The following ME1 variants were observed in gnomAD, a reference collection of about 807,000 sequenced individuals.
ME1 encodes malic enzyme 1.
Under a neutral mutation model 66.4 loss-of-function variants are expected in ME1, and 74 were observed. That is an observed-to-expected ratio of 1.11 (90% CI 0.92 to 1.35). The LOEUF (loss-of-function observed/expected upper bound fraction) is 1.35. ME1 is among the 40% of genes most tolerant of loss of function. ME1 has a pLI of 0.00. For synonymous variants in ME1, 251 were observed against 235.6 expected (o/e 1.07, Z -0.60); for missense variants, 750 against 694.1 (o/e 1.08, Z -0.90).
chr6:83,250,221 AGAAAATAACAGGATTGTTATTTTCCTT>A (rs551224101), intron 7 of ME1, among the ~76,000 whole-genome samples: 1 of 151,954 alleles, frequency 6.6e-6, no homozygotes, highest in Non-Finnish European at 1.5e-5. Context: ...GTTATTTCAA[AGAAAATAACAGGATTGTTATTTTCCTT>A]GAAAATAACA....
intron 12 of ME1, among the ~76,000 whole-genome samples, chr6:83,221,866 A>G (rs770141586): frequency 5.3e-5 from 8 of 152,248 alleles, no homozygotes; most frequent in Non-Finnish European, 7.3e-5. Flanking sequence ...TTTAGATGAT[A>G]TAAAAAACAG....
intron 6 of ME1, among the ~76,000 whole-genome samples, chr6:83,267,331 T>A (rs1199988439): frequency 6.6e-6 from 1 of 152,102 alleles, no homozygotes; most frequent in African/African-American, 2.4e-5. Context: ...CCTTGTGCAA[T>A]TCTAAATCAA....
At chr6:83,312,221 T>C (rs1767943328) in intron 6 of ME1, among the ~76,000 whole-genome samples, 2 of 152,190 alleles carry the variant, frequency 1.3e-5, no homozygotes. Flanking sequence ...CAGTTGACAC[T>C]GATACCTGGA....
chr6:83,382,606 A>C (rs1769427401), intron 3 of ME1, among the ~76,000 whole-genome samples: 1 of 152,118 alleles, frequency 6.6e-6, no homozygotes, highest in African/African-American at 2.4e-5. Flanking sequence ...GAAACTCTTC[A>C]CAAGTAAACA....
intron 9 of ME1, among the ~76,000 whole-genome samples, chr6:83,235,478 T>C (rs1413718257): frequency 6.7e-6 from 1 of 149,804 alleles, no homozygotes; most frequent in Non-Finnish European, 1.5e-5. Context: ...CTATTTTTTT[T>C]TTTTTTTTTT....
intron 3 of ME1, among the ~76,000 whole-genome samples, chr6:83,352,502 TG>T: frequency 6.6e-6 from 1 of 152,308 alleles, no homozygotes; most frequent in East Asian, 1.9e-4. Context: ...AAAAGCACTT[TG>T]AAAAGCAACA....
At chr6:83,387,789 T>C (rs776089260) in intron 3 of ME1, among the ~76,000 whole-genome samples, 4 of 152,180 alleles carry the variant, frequency 2.6e-5, no homozygotes. Flanking sequence ...TAGGAAGACA[T>C]AAAGCAACAT....
intron 6 of ME1, among the ~76,000 whole-genome samples, chr6:83,298,946 T>G (rs1304638417): frequency 1.2e-4 from 10 of 81,234 alleles, no homozygotes; most frequent in Admixed American, 3.0e-4. Context: ...TTTTTTTTTT[T>G]TTTTTTTTTT....
chr6:83,225,886 T>C (rs370963699), intron 11 of ME1, among the ~76,000 whole-genome samples: 4 of 150,446 alleles, frequency 2.7e-5, no homozygotes, highest in Non-Finnish European at 5.9e-5. Context: ...ATAATCACCA[T>C]ATTTTAAGGA....
intron 6 of ME1, among the ~76,000 whole-genome samples, chr6:83,257,576 A>T (rs1180188): frequency 0.24 from 35,928 of 152,068 alleles, 4,464 homozygotes; most frequent in Middle Eastern, 0.36. Flanking sequence ...GGGAACGTAA[A>T]CTTTTTCTAC....
chr6:83,430,841 G>A, intron 1 of ME1, 36 bp downstream of exon 1: 6 of 1,537,650 alleles, frequency 3.9e-6, no homozygotes, highest in Non-Finnish European at 5.3e-6. Flanking sequence ...TGATAGAGAG[G>A]GGCCGATGGG....
intron 5 of ME1, among the ~76,000 whole-genome samples, chr6:83,331,359 G>T (rs1224575374): frequency 6.6e-6 from 1 of 152,076 alleles, no homozygotes; most frequent in Non-Finnish European, 1.5e-5. Context: ...GGAGGCTGAG[G>T]CGGGTGGATC....
Position 83,398,625 on chromosome 6 carries a change from T to C in ME1, c.213-109A>G, listed in dbSNP as rs546323153. Reference sequence around the variant, plus strand: ...AAGTATAAAGTACATTTAGGTTACATAGAAAACATCTGATTAAAAAAGACT... The same window carrying C: ...AAGTATAAAGTACATTTAGGTTACACAGAAAACATCTGATTAAAAAAGACT... On this transcript the variant is annotated intron_variant, in intron 2 of 13. Transcript: ENST00000369705. 47 of 578,724 alleles carry C rather than the reference T, an allele frequency of 8.1e-5. No homozygotes were observed. The East Asian group carries it at 1.3e-3, about 16-fold the overall frequency. 35.8% of individuals were successfully genotyped at this position (578,724 alleles called of 1,614,324 possible).
intron 1 of ME1, among the ~76,000 whole-genome samples, chr6:83,427,317 TTAAG>T (rs1282529192): frequency 1.3e-5 from 2 of 152,206 alleles, no homozygotes; most frequent in African/African-American, 4.8e-5. Context: ...CCTAATTCTC[TTAAG>T]TTTTTTGAAA....
At chr6:83,366,740 T>C (rs1769107267) in intron 3 of ME1, among the ~76,000 whole-genome samples, 2 of 152,156 alleles carry the variant, frequency 1.3e-5, no homozygotes, top group Admixed American at 6.5e-5. Flanking sequence ...ATAGCACACA[T>C]AGATGGCTGC....
intron 1 of ME1, among the ~76,000 whole-genome samples, chr6:83,428,021 A>AT (rs1770405635): frequency 6.6e-6 from 1 of 152,068 alleles, no homozygotes; most frequent in African/African-American, 2.4e-5. Flanking sequence ...CAAAAAAAAA[A>AT]AAAGGAAAAT....
At chr6:83,347,343 T>C (rs1247890813) in intron 4 of ME1, among the ~76,000 whole-genome samples, 2 of 152,216 alleles carry the variant, frequency 1.3e-5, no homozygotes, top group African/African-American at 2.4e-5. Context: ...TTTGATATCA[T>C]TATTGAACAT....
intron 5 of ME1, among the ~76,000 whole-genome samples, chr6:83,333,744 G>C (rs1453518023): frequency 6.6e-6 from 1 of 152,186 alleles, no homozygotes; most frequent in Non-Finnish European, 1.5e-5. Flanking sequence ...ACGGAATACA[G>C]TTGATATGTG....
intron 6 of ME1, among the ~76,000 whole-genome samples, chr6:83,302,702 A>G: frequency 6.6e-6 from 1 of 152,222 alleles, no homozygotes; most frequent in Non-Finnish European, 1.5e-5. Context: ...TTAAATAAGC[A>G]AAAGCACTGG....
Sources: gnomAD v4.1 joint callset for allele counts (sites outside exome capture counted in the v4.1 genomes callset) on GRCh38, gnomAD v4.1.1 for gene constraint, MANE v1.5 for transcripts, NCBI Gene and HGNC (gene_info 2026-07-23, HGNC 2026-07-21) for gene names.